The following NYAP2 variants were observed in gnomAD, a reference collection of about 807,000 sequenced individuals.
The protein encoded by NYAP2 is neuronal tyrosine-phosphorylated phosphoinositide-3-kinase adaptor 2.
In NYAP2, 23 loss-of-function variants were observed where a neutral mutation model predicts 50.4. The observed-to-expected ratio is 0.46, with a 90% CI of 0.33 to 0.65. The LOEUF (loss-of-function observed/expected upper bound fraction) is 0.65, where lower values mean the gene tolerates loss of function less well. NYAP2 is among the 30% of genes least tolerant of loss of function. The pLI is 0.02. For missense variants in NYAP2, 885 were observed against 861.0 expected (o/e 1.03, Z -0.35); for synonymous variants, 394 against 365.2 (o/e 1.08, Z -0.90).
intron 3 of NYAP2, among the ~76,000 whole-genome samples, chr2:225,446,244 CTCTA>C (rs1420292010): frequency 1.7e-3 from 187 of 112,088 alleles, no homozygotes; most frequent in Non-Finnish European, 2.5e-3. Flanking sequence ...CTCTCTCTCT[CTCTA>C]TATATATATA....
intron 4 of NYAP2, among the ~76,000 whole-genome samples, chr2:225,514,157 T>C (rs959190371): frequency 2.6e-5 from 4 of 152,220 alleles, no homozygotes; most frequent in African/African-American, 9.6e-5. Context: ...CTCCTTAATA[T>C]CTCCAATTTT....
At chr2:225,529,232 G>C (rs1246536867) in intron 4 of NYAP2, among the ~76,000 whole-genome samples, 2 of 152,050 alleles carry the variant, frequency 1.3e-5, no homozygotes, top group Non-Finnish European at 2.9e-5. Context: ...ACTTCAACAT[G>C]GCCCCTAAGA....
At chr2:225,515,740 C>T (rs543038186) in intron 4 of NYAP2, among the ~76,000 whole-genome samples, 1 of 152,266 alleles carries the variant, frequency 6.6e-6, no homozygotes, top group African/African-American at 2.4e-5. Flanking sequence ...CTGTGATTCT[C>T]TGTGCAGAAG....
At chr2:225,637,257 G>A (rs185783167) in intron 6 of NYAP2, among the ~76,000 whole-genome samples, 22 of 152,284 alleles carry the variant, frequency 1.4e-4, no homozygotes, top group African/African-American at 5.3e-4. Flanking sequence ...TTGATAAGGA[G>A]TATGAGTTCT....
chr2:225,658,902 G>A (rs1391331379), downstream of NYAP2, among the ~76,000 whole-genome samples: 1 of 152,270 alleles, frequency 6.6e-6, no homozygotes, highest in East Asian at 1.9e-4. Context: ...TAGCCATTGC[G>A]TGCTTATTAA....
intron 4 of NYAP2, among the ~76,000 whole-genome samples, chr2:225,535,424 A>T (rs934606230): frequency 3.9e-5 from 6 of 152,216 alleles, no homozygotes; most frequent in Non-Finnish European, 7.3e-5. Flanking sequence ...ACAGAGTGTT[A>T]CAAGTGGCAA....
chr2:225,447,240 C>A (rs1689577607), intron 3 of NYAP2, among the ~76,000 whole-genome samples: 1 of 152,200 alleles, frequency 6.6e-6, no homozygotes, highest in Admixed American at 6.5e-5. Context: ...CTGTTCCCTT[C>A]TACCTCTAGA....
At chr2:225,598,454 G>A (rs1307530147) in intron 5 of NYAP2, among the ~76,000 whole-genome samples, 4 of 152,180 alleles carry the variant, frequency 2.6e-5, no homozygotes, top group Non-Finnish European at 5.9e-5. Context: ...GTGGATGGAA[G>A]ACTGTTAAAA....
At chr2:225,560,246 CACA>C (rs1301211305) in intron 4 of NYAP2, among the ~76,000 whole-genome samples, 1 of 151,960 alleles carries the variant, frequency 6.6e-6, no homozygotes, top group Non-Finnish European at 1.5e-5. Flanking sequence ...GGCATATTAT[CACA>C]ACATTATTTT....
At chr2:225,671,662 G>T in the NYAP2 span, among the ~76,000 whole-genome samples, 1 of 152,034 alleles carries the variant, frequency 6.6e-6, no homozygotes, top group African/African-American at 2.4e-5. Flanking sequence ...CTTTCCAGAA[G>T]TTTTTAAGTT....
chr2:225,453,861 G>A (rs1689692466), intron 3 of NYAP2, among the ~76,000 whole-genome samples: 1 of 141,798 alleles, frequency 7.1e-6, no homozygotes, highest in Non-Finnish European at 1.5e-5. Context: ...TTTTTTAGTA[G>A]AGACAGAATT....
chr2:225,450,410 A>G (rs1294123679), intron 3 of NYAP2, among the ~76,000 whole-genome samples: 1 of 152,190 alleles, frequency 6.6e-6, no homozygotes, highest in Non-Finnish European at 1.5e-5. Context: ...AAGGTGTCCT[A>G]GTGGAATTTT....
At chr2:225,499,165 A>G (rs1008349548) in intron 3 of NYAP2, among the ~76,000 whole-genome samples, 1 of 152,196 alleles carries the variant, frequency 6.6e-6, no homozygotes, top group Non-Finnish European at 1.5e-5. Context: ...AAAAATGTAA[A>G]AGCAGGAGAG....
the NYAP2 span, among the ~76,000 whole-genome samples, chr2:225,659,951 G>A: frequency 6.6e-6 from 1 of 152,206 alleles, no homozygotes; most frequent in Non-Finnish European, 1.5e-5. Context: ...CTGAAGGAAT[G>A]ATTGGTCCAC....
At chr2:225,485,912 G>A (rs998789832) in intron 3 of NYAP2, among the ~76,000 whole-genome samples, 2 of 152,110 alleles carry the variant, frequency 1.3e-5, no homozygotes, top group African/African-American at 4.8e-5. Context: ...AGCATCCATG[G>A]CCTCTAATCA....
At chr2:225,526,132 T>A (rs575510565) in intron 4 of NYAP2, among the ~76,000 whole-genome samples, 1 of 152,354 alleles carries the variant, frequency 6.6e-6, no homozygotes, top group South Asian at 2.1e-4. Context: ...TATGGGACCC[T>A]GAGCAGAGAA....
chr2:225,582,859 C>T lies in NYAP2; in HGVS notation c.1442C>T (p.Ser481Leu), dbSNP rs759695162. 7 of 1,613,796 alleles carry T rather than the reference C, an allele frequency of 4.3e-6. No individual in the cohort carries two copies. Among genetic ancestry groups the T allele is most frequent in the Non-Finnish European group, 5.9e-6 (7 of 1,179,880 alleles). ...CCTCACTCGACCCCCAGACCCGTGTCGCAAGATGGGGCCAAGATGGTCAAC... is the reference window on the plus strand; with the variant it reads ...CCTCACTCGACCCCCAGACCCGTGTTGCAAGATGGGGCCAAGATGGTCAAC... The change falls in exon 5 of 7, where the codon TCG (serine) becomes TTG (leucine). Residue 481 changes from serine (S) to leucine (L), a missense_variant. By Grantham distance (145) the Ser-to-Leu change is moderately radical. Transcript: ENST00000636099. The surrounding 1 kb of genome is among the most constrained non-coding windows in gnomAD (Gnocchi z 7.0).
At chr2:225,434,578 A>G (rs1408821135) in intron 3 of NYAP2, among the ~76,000 whole-genome samples, 2 of 152,202 alleles carry the variant, frequency 1.3e-5, no homozygotes, top group Non-Finnish European at 2.9e-5. Context: ...TGGGCACTGG[A>G]ACGTATAGCA....
At chr2:225,438,618 A>G (rs1035464550) in intron 3 of NYAP2, among the ~76,000 whole-genome samples, 11 of 152,372 alleles carry the variant, frequency 7.2e-5, no homozygotes, top group African/African-American at 2.4e-4. Flanking sequence ...TAAAGATAGT[A>G]TATATCTTTA....
Sources: allele counts gnomAD v4.1 joint callset (sites outside exome capture counted in the v4.1 genomes callset), GRCh38; gene constraint gnomAD v4.1.1; non-coding constraint Gnocchi (gnomAD v3.1); transcripts MANE v1.5; gene names NCBI Gene and HGNC (gene_info 2026-07-23, HGNC 2026-07-21).